ZNF407: variants seen among roughly 807,000 people sequenced by gnomAD.
The protein encoded by ZNF407 is zinc finger protein 407.
Under a neutral mutation model 131.2 loss-of-function variants are expected in ZNF407, and 17 were observed. The observed-to-expected ratio is 0.13, with a 90% CI of 0.09 to 0.19. The LOEUF is 0.19. ZNF407 is among the 10% of genes least tolerant of loss of function. The probability of loss-of-function intolerance (pLI) is 1.00; values close to 1 mark genes in which losing one functional copy is unlikely to be tolerated. For missense variants in ZNF407, 2,681 were observed against 2,830.6 expected, an observed-to-expected ratio of 0.95 and a Z score of 1.20; for synonymous variants, 1,156 against 1,062.0, an observed-to-expected ratio of 1.09 and a Z score of -1.72.
intron 4 of ZNF407, among the ~76,000 whole-genome samples, chr18:74,789,417 T>C (rs1969783037): frequency 6.6e-6 from 1 of 152,080 alleles, no homozygotes; most frequent in Admixed American, 6.5e-5. Context: ...TTGTGTGCGT[T>C]GTTTCAGGAA....
At chr18:74,891,158 C>T (rs1289352660) in intron 7 of ZNF407, among the ~76,000 whole-genome samples, 1 of 152,206 alleles carries the variant, frequency 6.6e-6, no homozygotes, top group Non-Finnish European at 1.5e-5. Context: ...AGCCAGGTCA[C>T]ATTGTGCCTG....
At chr18:74,999,570 G>T (rs1016184108) in intron 8 of ZNF407, among the ~76,000 whole-genome samples, 1 of 152,146 alleles carries the variant, frequency 6.6e-6, no homozygotes, top group Non-Finnish European at 1.5e-5. Flanking sequence ...GCTCACGAAT[G>T]TGCCAGACTT....
At chr18:74,930,341 C>G (rs1024412349) in intron 8 of ZNF407, among the ~76,000 whole-genome samples, 1 of 152,128 alleles carries the variant, frequency 6.6e-6, no homozygotes, top group Non-Finnish European at 1.5e-5. Context: ...TCCGCCTGGC[C>G]CATGGAGTGA....
intron 8 of ZNF407, among the ~76,000 whole-genome samples, chr18:75,009,728 C>T (rs556165281): frequency 1.5e-4 from 23 of 152,170 alleles, no homozygotes; most frequent in East Asian, 1.2e-3. Context: ...TAAACCCGGA[C>T]ATAGATAGCT....
intron 8 of ZNF407, among the ~76,000 whole-genome samples, chr18:75,024,952 A>G (rs538523973): frequency 6.6e-6 from 1 of 152,200 alleles, no homozygotes. Context: ...CCATCTGATC[A>G]TTTAAAAAAA....
In ZNF407 at chr18:74,974,173, A is replaced by T. The variant is rs1972502892; in HGVS notation, c.5428+53481A>T. Among the ~76,000 whole-genome samples the T allele has an allele frequency of 2.0e-5, 3 of 152,188 alleles. No homozygotes were observed. In the South Asian group the frequency reaches 6.2e-4, roughly 31 times the overall value. On this transcript the variant is annotated intron_variant, in intron 8 of 8. Coordinates refer to ENST00000299687, the MANE Select transcript of ZNF407 (RefSeq NM_017757.3). ...GATGGACATTATGTCTCCCACCTCG[A>T]ATCCTGTGTATCCTTCGAAGTAGAC...
chr18:74,849,834 G>A (rs1037252369), intron 4 of ZNF407, among the ~76,000 whole-genome samples: 3 of 152,232 alleles, frequency 2.0e-5, no homozygotes, highest in African/African-American at 7.2e-5. Context: ...ATATTGAAAA[G>A]TTGGCTGTGT....
intron 3 of ZNF407, among the ~76,000 whole-genome samples, chr18:74,701,997 T>G (rs1967507180): frequency 6.6e-6 from 1 of 152,232 alleles, no homozygotes; most frequent in Non-Finnish European, 1.5e-5. Context: ...CACATAGTGC[T>G]CTGTGGGGTG....
intron 8 of ZNF407, among the ~76,000 whole-genome samples, chr18:75,042,139 G>A (rs1438597736): frequency 6.6e-6 from 1 of 150,990 alleles, no homozygotes; most frequent in Non-Finnish European, 1.5e-5. Flanking sequence ...GGGCTCCAGT[G>A]GTCCTCCCAC....
intron 3 of ZNF407, among the ~76,000 whole-genome samples, chr18:74,770,522 C>G (rs1026041760): frequency 3.9e-5 from 6 of 152,112 alleles, no homozygotes; most frequent in Non-Finnish European, 2.9e-5. Context: ...AACCTTAATG[C>G]TTTTATTATT....
intron 3 of ZNF407, among the ~76,000 whole-genome samples, chr18:74,729,790 A>G (rs1455227200): frequency 6.6e-6 from 1 of 152,050 alleles, no homozygotes; most frequent in Admixed American, 6.6e-5. Context: ...ATGGAAAAAT[A>G]TTTTTCATAT....
intron 7 of ZNF407, among the ~76,000 whole-genome samples, chr18:74,893,528 T>C (rs1971414729): frequency 1.3e-5 from 2 of 152,144 alleles, no homozygotes. Flanking sequence ...GAATGAAATA[T>C]GGTTCGAACA....
intron 3 of ZNF407, among the ~76,000 whole-genome samples, chr18:74,660,047 A>G (rs1985645378): frequency 6.6e-6 from 1 of 152,168 alleles, no homozygotes; most frequent in African/African-American, 2.4e-5. Context: ...ACTGTCATCA[A>G]AATCATACAA....
chr18:74,796,428 A>G (rs1969920922), intron 4 of ZNF407, among the ~76,000 whole-genome samples: 2 of 152,192 alleles, frequency 1.3e-5, no homozygotes, highest in Non-Finnish European at 2.9e-5. Context: ...ACTTGTTTTA[A>G]TATCTATTTG....
At chr18:74,936,727 G>A (rs1032365328) in intron 8 of ZNF407, among the ~76,000 whole-genome samples, 1 of 152,154 alleles carries the variant, frequency 6.6e-6, no homozygotes, top group East Asian at 1.9e-4. Flanking sequence ...AGTTGTGTAG[G>A]ATTTGCACTG....
In ZNF407 at chr18:74,635,834, C is replaced by T. The variant is rs1209167849; in HGVS notation, c.4687+128C>T. 4 of 1,246,092 alleles carry T rather than the reference C, an allele frequency of 3.2e-6. No individual in the cohort carries two copies. Among genetic ancestry groups the T allele is most frequent in the Non-Finnish European group, 4.3e-6 (4 of 920,434 alleles). 77.2% of individuals were successfully genotyped at this position (1,246,092 alleles called of 1,614,324 possible). On this transcript the variant is annotated intron_variant, in intron 2 of 8. Transcript: ENST00000299687. The surrounding 1 kb of genome is among the most constrained non-coding windows in gnomAD (Gnocchi z 4.7). ...GTTCACATTTCACTGCCGTGTGCTG[C>T]TCTGCTTGTCTGCAATAAGTCATTG...
At chr18:74,906,041 T>G (rs1275195170) in intron 7 of ZNF407, 1 of 153,178 alleles carries the variant, frequency 6.5e-6, no homozygotes, top group East Asian at 1.9e-4. Flanking sequence ...TTACCAGTTT[T>G]GTACGTTATT....
Position 74,902,263 on chromosome 18 carries a change from C to T in ZNF407, c.5249+12225C>T, listed in dbSNP as rs528937902. ...GGCCGGGGCTCACATTAATCAGTCC[C>T]CTTGTTCAACACTCCAGCTGACATA... On this transcript the variant is annotated intron_variant, in intron 7 of 8. Coordinates refer to ENST00000299687, the MANE Select transcript of ZNF407 (RefSeq NM_017757.3). Among the ~76,000 whole-genome samples the T allele has an allele frequency of 3.9e-5, 6 of 152,326 alleles. No homozygotes were observed. In the South Asian group the frequency reaches 1.2e-3, roughly 32 times the overall value.
At chr18:74,640,691 T>C (rs774345273) in intron 2 of ZNF407, among the ~76,000 whole-genome samples, 1 of 152,180 alleles carries the variant, frequency 6.6e-6, no homozygotes, top group Non-Finnish European at 1.5e-5. Context: ...TAAGATGTAT[T>C]TTTGTGAATT....
Sources: gnomAD v4.1 joint callset for allele counts (sites outside exome capture counted in the v4.1 genomes callset) on GRCh38, gnomAD v4.1.1 for gene constraint, Gnocchi (gnomAD v3.1) non-coding constraint, MANE v1.5 for transcripts, NCBI Gene and HGNC (gene_info 2026-07-23, HGNC 2026-07-21) for gene names.